Variants in MCMBP observed in about 807,000 individuals in gnomAD.
The protein encoded by MCMBP is minichromosome maintenance complex binding protein, also known as mini-chromosome maintenance complex-binding protein.
A neutral mutation model predicts 81.3 loss-of-function variants in MCMBP; 31 were observed. The observed-to-expected ratio is 0.38, with a 90% CI of 0.29 to 0.51. The LOEUF is 0.51. MCMBP is among the 20% of genes least tolerant of loss of function. MCMBP has a pLI of 0.87. For missense variants in MCMBP, 645 were observed against 772.1 expected, an observed-to-expected ratio of 0.84 and a Z score of 1.95; for synonymous variants, 267 against 275.9, an observed-to-expected ratio of 0.97 and a Z score of 0.32.
At chr10:119,857,983 G>C (rs1156348200) in intron 4 of MCMBP, 1 of 152,200 alleles carries the variant, frequency 6.6e-6, no homozygotes, top group Non-Finnish European at 1.5e-5. Context: ...TTGAAAGATA[G>C]ATTTGTGTAA....
intron 1 of MCMBP, among the ~76,000 whole-genome samples, chr10:119,862,303 GT>G (rs1853286709): frequency 6.6e-6 from 1 of 151,598 alleles, no homozygotes; most frequent in Non-Finnish European, 1.5e-5. Context: ...GTGAATCTTC[GT>G]CCCCCCCCAC....
chr10:119,856,408 T>C (rs1853044506), intron 5 of MCMBP, among the ~76,000 whole-genome samples: 1 of 151,984 alleles, frequency 6.6e-6, no homozygotes, highest in South Asian at 2.1e-4. Flanking sequence ...GATACACACA[T>C]GACTCAAATG....
rs757208942 is a variant in MCMBP at position 119,838,623 on chromosome 10, G to A, written c.1320C>T (p.Arg440=). Residue 440 remains arginine, a synonymous_variant, in exon 12 of 16, where the codon CGC becomes CGT. Coordinates refer to ENST00000369077, the MANE Select transcript of MCMBP (RefSeq NM_001256378.2). ...FIPHKDYTAN[R]LVSGLLQLPS... ...GCAGCTGGAGGAGCCCACTGACCAAGCGATTGGCTGTGTAGTCTTTGTGGG... is the reference window on the plus strand; with the variant it reads ...GCAGCTGGAGGAGCCCACTGACCAAACGATTGGCTGTGTAGTCTTTGTGGG... The A allele has an allele frequency of 9.9e-6, 16 of 1,614,028 alleles. No homozygotes were observed.
chr10:119,861,061 A>C (rs1589797945), intron 1 of MCMBP, among the ~76,000 whole-genome samples: 1 of 152,240 alleles, frequency 6.6e-6, no homozygotes, highest in South Asian at 2.1e-4. Flanking sequence ...GTGAACTAAA[A>C]CCACCAAACC....
intron 1 of MCMBP, among the ~76,000 whole-genome samples, chr10:119,868,194 T>C (rs1287022787): frequency 6.6e-6 from 1 of 152,068 alleles, no homozygotes; most frequent in Non-Finnish European, 1.5e-5. Flanking sequence ...GGAGGCCAAG[T>C]GGGGGCAGAT....
chr10:119,859,006 T>C, intron 3 of MCMBP, 35 bp downstream of exon 3: 1 of 1,611,646 alleles, frequency 6.2e-7, no homozygotes, highest in Non-Finnish European at 8.5e-7. Context: ...AGGACAAAAT[T>C]AATACCACAA....
At chr10:119,852,660 G>A (rs1056831737) in intron 6 of MCMBP, among the ~76,000 whole-genome samples, 3 of 152,226 alleles carry the variant, frequency 2.0e-5, no homozygotes, top group Non-Finnish European at 4.4e-5. Flanking sequence ...CCTGGGTGAT[G>A]GGAGTGAAAC....
chr10:119,868,074 A>C (rs1853535840), intron 1 of MCMBP, among the ~76,000 whole-genome samples: 1 of 152,168 alleles, frequency 6.6e-6, no homozygotes, highest in Non-Finnish European at 1.5e-5. Flanking sequence ...GATACAACCA[A>C]AGAAGCTTAA....
chr10:119,866,754 A>AT (rs1314048639), intron 1 of MCMBP, among the ~76,000 whole-genome samples: 1 of 152,066 alleles, frequency 6.6e-6, no homozygotes, highest in African/African-American at 2.4e-5. Flanking sequence ...AAGAAAAAAA[A>AT]TTTTTTTGGA....
intron 8 of MCMBP, among the ~76,000 whole-genome samples, chr10:119,847,028 C>A (rs944704668): frequency 1.3e-5 from 2 of 151,988 alleles, no homozygotes; most frequent in Admixed American, 1.3e-4. Flanking sequence ...TCTGAAATTC[C>A]CTTCTCTATG....
chr10:119,855,162 T>C (rs1852989208), intron 5 of MCMBP, among the ~76,000 whole-genome samples: 1 of 152,088 alleles, frequency 6.6e-6, no homozygotes, highest in South Asian at 2.1e-4. Context: ...AGAATGAGAC[T>C]ACACAGAAGC....
intron 5 of MCMBP, among the ~76,000 whole-genome samples, chr10:119,854,912 C>T (rs1852970194): frequency 2.0e-5 from 3 of 150,304 alleles, no homozygotes; most frequent in East Asian, 3.9e-4. Flanking sequence ...CGAAATTGCA[C>T]CACTGCACTC....
chr10:119,859,884 G>T lies in MCMBP; in HGVS notation c.59C>A (p.Ala20Asp). The T allele has an allele frequency of 1.2e-6, 2 of 1,607,606 alleles. No homozygotes were observed. Among genetic ancestry groups the T allele is most frequent in the Non-Finnish European group, 8.5e-7 (1 of 1,176,444 alleles). ...CCAGTCAGGATTAACTCCATTTTGG[G>T]CTGAAAGAGAAATATACTTTTCAAA... is the stretch of plus-strand genomic sequence containing the variant. Reference protein sequence around the residue: ...HPLGIVQGFFAQNGVNPDWEK... With the variant: ...HPLGIVQGFFDQNGVNPDWEK... Residue 20 changes from alanine to aspartate, a missense_variant and splice_region_variant, in exon 2 of 16, where the codon GCC (alanine) becomes GAC (aspartate). By Grantham distance (126) the Ala-to-Asp change is moderately radical. Coordinates refer to ENST00000369077, the MANE Select transcript of MCMBP (RefSeq NM_001256378.2).
At chr10:119,861,450 CA>C (rs1453661479) in intron 1 of MCMBP, among the ~76,000 whole-genome samples, 6 of 152,098 alleles carry the variant, frequency 3.9e-5, no homozygotes, top group African/African-American at 1.4e-4. Context: ...CCTAGCAATT[CA>C]TATTTTAAAA....
chr10:119,850,747 TAAA>T (rs367627623), intron 6 of MCMBP, among the ~76,000 whole-genome samples: 1 of 118,056 alleles, frequency 8.5e-6, no homozygotes, highest in Non-Finnish European at 1.7e-5. Flanking sequence ...AGACTCCGTC[TAAA>T]AAAAAAAAAA....
chr10:119,843,492 C>A, intron 8 of MCMBP, 66 bp from the exon 9 acceptor site: 1 of 1,503,218 alleles, frequency 6.7e-7, no homozygotes, highest in Non-Finnish European at 9.0e-7. Context: ...AAATAATGTG[C>A]ATCTTGGAAA....
At chr10:119,867,077 G>A (rs1019488139) in intron 1 of MCMBP, among the ~76,000 whole-genome samples, 6 of 151,822 alleles carry the variant, frequency 4.0e-5, no homozygotes, top group African/African-American at 1.2e-4. Context: ...TGGATCACGA[G>A]GGCAGAGGAG....
intron 1 of MCMBP, among the ~76,000 whole-genome samples, chr10:119,869,053 G>A (rs1430921021): frequency 2.0e-5 from 3 of 152,190 alleles, no homozygotes; most frequent in Non-Finnish European, 4.4e-5. Context: ...TATGGCAGGT[G>A]GAAGAGAAGC....
chr10:119,854,952 C>CA (rs748009891), intron 5 of MCMBP, among the ~76,000 whole-genome samples: 43 of 144,284 alleles, frequency 3.0e-4, no homozygotes, highest in Middle Eastern at 3.5e-3. Context: ...GACTCTGCCT[C>CA]AAAAAAAAAA....
Sources: allele counts gnomAD v4.1 joint callset (sites outside exome capture counted in the v4.1 genomes callset), GRCh38; gene constraint gnomAD v4.1.1; transcripts MANE v1.5; gene names NCBI Gene and HGNC (gene_info 2026-07-23, HGNC 2026-07-21).